The following OGDHL variants were observed in gnomAD, a reference collection of about 807,000 sequenced individuals.
The protein encoded by OGDHL is oxoglutarate dehydrogenase L, also known as 2-oxoglutarate dehydrogenase-like, mitochondrial.
In OGDHL, 79 loss-of-function variants were observed where a neutral mutation model predicts 109.6. The ratio of observed to expected loss-of-function variants is 0.72; its 90% CI spans 0.60 to 0.87. OGDHL has a LOEUF of 0.87. Among genes scored for constraint, OGDHL ranks in the 40% least tolerant of loss-of-function variants. The pLI is 0.00. For missense variants in OGDHL, 1,275 were observed against 1,362.2 expected (o/e 0.94, Z 1.01); for synonymous variants, 528 against 537.2 (o/e 0.98, Z 0.24).
Position 49,749,779 on chromosome 10 carries a change from C to T in OGDHL, c.934G>A (p.Asp312Asn). 1 of 1,601,252 alleles carries T rather than the reference C, an allele frequency of 6.2e-7. No individual in the cohort carries two copies. The highest frequency in any genetic ancestry group is 8.5e-7 in the Non-Finnish European group (1 of 1,177,138). ...AACTGGCAGAAGATCTGCTCCAGGT[C>T]CTTGCGGATCACGTTGGCCAGCACG... ...LNVLANVIRK[D>N]LEQIFCQFDP... Residue 312 changes from aspartate to asparagine, a missense_variant, in exon 8 of 23, where the codon GAC becomes AAC. Physicochemically the swap from Asp to Asn is conservative, Grantham distance 23. Coordinates refer to ENST00000374103, the MANE Select transcript of OGDHL (RefSeq NM_018245.3).
rs1841029233 is a variant in OGDHL, at chr10:49,734,923, C to A, written c.*305G>T. 1.8e-5 allele frequency: 4 copies of A among 218,572 alleles called. No homozygotes were observed. The highest frequency in any genetic ancestry group is 2.6e-4 in the South Asian group (2 of 7,756). 13.5% of individuals were successfully genotyped at this position (218,572 alleles called of 1,614,324 possible). ...GATGGGAGCGGCCACAGACACAGGC[C>A]CCCGGGTGTCTGTCTTGAGATACAG... On this transcript the variant is annotated 3_prime_UTR_variant, in exon 23 of 23. Coordinates refer to ENST00000374103, the MANE Select transcript of OGDHL (RefSeq NM_018245.3).
At chr10:49,754,405 G>A (rs1842792528) in intron 3 of OGDHL, among the ~76,000 whole-genome samples, 1 of 152,122 alleles carries the variant, frequency 6.6e-6, no homozygotes, top group Non-Finnish European at 1.5e-5. Context: ...GTGTGCTAGG[G>A]AATCACCTCA....
intron 2 of OGDHL, among the ~76,000 whole-genome samples, chr10:49,757,895 T>C (rs560766858): frequency 8.7e-4 from 133 of 152,322 alleles, no homozygotes; most frequent in African/African-American, 3.0e-3. Flanking sequence ...CAGATGAGGA[T>C]AGATTAGGAG....
At position 49,742,821 on chromosome 10, in the gene OGDHL, C is replaced by T. The variant is rs370919418; in HGVS notation, c.2012+7G>A. ...CCTGTGCGGATGCTGAGCCCCACTG[C>T]GCTCACCTGAATGTGCCCCTCTCCA... On this transcript the variant is annotated splice_region_variant and intron_variant, in intron 15 of 22. Transcript: ENST00000374103. 1.1e-5 allele frequency: 18 copies of T among 1,610,616 alleles called. No homozygotes were observed. The highest frequency in any genetic ancestry group is 5.5e-5 in the South Asian group (5 of 90,640).
At position 49,736,133 on chromosome 10, in the gene OGDHL, C is replaced by A. The variant is rs1423845945; in HGVS notation, c.2799G>T (p.Lys933Asn). The A allele has an allele frequency of 6.2e-7, 1 of 1,610,188 alleles. No homozygotes were observed. Among genetic ancestry groups the A allele is most frequent in the Non-Finnish European group, 8.5e-7 (1 of 1,178,104 alleles). Reference protein sequence around the residue: ...PFDLIKQEAEKYPGAELAWCQ... With the variant: ...PFDLIKQEAENYPGAELAWCQ... ...ACCAGGCCAGCTCCGCACCTGGGTACTTCTCTGCCTCCTGCTTGATCAGGT... is the reference window on the plus strand; with the variant it reads ...ACCAGGCCAGCTCCGCACCTGGGTAATTCTCTGCCTCCTGCTTGATCAGGT... Residue 933 changes from lysine (K) to asparagine (N), a missense_variant, in exon 22 of 23, where the codon AAG (lysine) becomes AAT (asparagine). Lys to Asn is a moderately conservative substitution (Grantham distance 94, BLOSUM62 0). Coordinates refer to ENST00000374103, the MANE Select transcript of OGDHL (RefSeq NM_018245.3).
At chr10:49,752,867 C>T in intron 3 of OGDHL, 127 bp from the exon 4 acceptor site, 1 of 662,464 alleles carries the variant, frequency 1.5e-6, no homozygotes, top group African/African-American at 1.8e-5. Context: ...TGTCTCTGCC[C>T]CGCGGCTACT....
At position 49,758,409 on chromosome 10, in the gene OGDHL, T is replaced by C. The variant is rs758536428; in HGVS notation, c.184A>G (p.Asn62Asp). 5.0e-6 allele frequency: 8 copies of C among 1,612,714 alleles called. No individual in the cohort carries two copies. In the African/African-American group the frequency reaches 9.4e-5, roughly 19 times the overall value. Residue 62 changes from asparagine to aspartate, a missense_variant, in exon 2 of 23, where the codon AAC (asparagine) becomes GAC (aspartate). Asn to Asp is a conservative substitution (Grantham distance 23). Transcript: ENST00000374103. ...CTGACCTTGTGGACACTCTGGGGGT[T>C]TTCCAACCAGGCGAAGTACATCTCC... ...MEEMYFAWLE[N>D]PQSVHKSWDS...
In OGDHL at chr10:49,751,819, G is replaced by C; in HGVS notation, c.749+8C>G. 3 of 1,612,898 alleles carry C rather than the reference G, an allele frequency of 1.9e-6. No individual in the cohort carries two copies. Among genetic ancestry groups the C allele is most frequent in the Non-Finnish European group, 2.5e-6 (3 of 1,179,666 alleles). ...CTCCAGCCACTTGGCCCTCCAGGTGGTGCCAACCTCATGGAGCGCACTAGC... is the reference window on the plus strand; with the variant it reads ...CTCCAGCCACTTGGCCCTCCAGGTGCTGCCAACCTCATGGAGCGCACTAGC... On this transcript the variant is annotated splice_region_variant and intron_variant, in intron 6 of 22. Transcript: ENST00000374103.
At chr10:49,755,969 G>C (rs1009929141) in intron 3 of OGDHL, among the ~76,000 whole-genome samples, 1 of 152,228 alleles carries the variant, frequency 6.6e-6, no homozygotes, top group African/African-American at 2.4e-5. Flanking sequence ...CCTCAGGCCA[G>C]AAGGGAACCC....
chr10:49,754,655 C>A (rs1842810197), intron 3 of OGDHL, among the ~76,000 whole-genome samples: 1 of 147,438 alleles, frequency 6.8e-6, no homozygotes, highest in East Asian at 2.1e-4. Context: ...CCATCACCAT[C>A]ACCACCAGGA....
At chr10:49,741,601 CA>C (rs1286461889) in intron 15 of OGDHL, among the ~76,000 whole-genome samples, 1 of 151,290 alleles carries the variant, frequency 6.6e-6, no homozygotes, top group Non-Finnish European at 1.5e-5. Context: ...AAGACAACTG[CA>C]AACAAGCAAG....
At chr10:49,745,631 A>T (rs1842124842) in intron 11 of OGDHL, 135 bp from the exon 12 acceptor site, 1 of 1,321,364 alleles carries the variant, frequency 7.6e-7, no homozygotes, top group Non-Finnish European at 1.0e-6. Flanking sequence ...CTATCACCGA[A>T]TGAATGTCCC....
chr10:49,745,602 C>T (rs1842122492), intron 11 of OGDHL, 106 bp from the exon 12 acceptor site: 5 of 1,440,008 alleles, frequency 3.5e-6, no homozygotes, highest in Middle Eastern at 3.8e-4. Flanking sequence ...ACTGGGAGCC[C>T]TTTGAGCTCC....
Position 49,758,464 on chromosome 10 carries a change from G to C in OGDHL, c.129C>G (p.Ser43Arg), listed in dbSNP as rs145183489. The change falls in exon 2 of 23, where the codon AGC becomes AGG. Residue 43 changes from serine (S) to arginine (R), a missense_variant. Transcript: ENST00000374103. ...SSGPPATFPS[S>R]KGGGGSSYME... ...TGTAACTGGAGCCGCCTCCACCTTT[G>C]CTGCTTGGGAAGGTGGCCGGTGGCC... 5.6e-6 allele frequency: 9 copies of C among 1,613,838 alleles called. No individual in the cohort carries two copies. The Admixed American group carries it at 1.5e-4, about 27-fold the overall frequency.
chr10:49,735,367 C>T lies in OGDHL; in HGVS notation c.2910-16G>A. 1 of 1,610,700 alleles carries T rather than the reference C, an allele frequency of 6.2e-7. No homozygotes were observed. ...GCCAACATACCTGGAGGAGGAGAGA[C>T]AAGCTAAGGGGAAGGCGGGGCCTAG... On this transcript the variant is annotated splice_polypyrimidine_tract_variant and intron_variant, in intron 22 of 22. Transcript: ENST00000374103.
At chr10:49,743,213 T>A (rs1258168) in intron 14 of OGDHL, among the ~76,000 whole-genome samples, 1 of 152,144 alleles carries the variant, frequency 6.6e-6, no homozygotes, top group Admixed American at 6.5e-5. Flanking sequence ...ATTGGCCACG[T>A]TGCAGACACC....
chr10:49,751,188 T>C (rs1842565218), intron 6 of OGDHL, among the ~76,000 whole-genome samples: 1 of 152,036 alleles, frequency 6.6e-6, no homozygotes, highest in African/African-American at 2.4e-5. Context: ...TAGGGGAGGC[T>C]AGGCATCTTC....
At chr10:49,747,355 T>G in intron 8 of OGDHL, 147 bp from the exon 9 acceptor site, 1 of 812,038 alleles carries the variant, frequency 1.2e-6, no homozygotes, top group Non-Finnish European at 2.0e-6. Context: ...GACCCCTCTC[T>G]CCTCATCACA....
chr10:49,742,917 C>T lies in OGDHL; in HGVS notation c.1923G>A (p.Ala641=), dbSNP rs149861747. ...DMTKNRTVDW[A]LAEYMAFGSL... is the part of the protein sequence containing the mutation. ...AGCCAAAGGCCATGTACTCTGCCAACGCCCAGTCCACCGTCCGGTTCTTGG... is the reference window on the plus strand; with the variant it reads ...AGCCAAAGGCCATGTACTCTGCCAATGCCCAGTCCACCGTCCGGTTCTTGG... Residue 641 remains alanine (A), a synonymous_variant, in exon 15 of 23, where the codon GCG becomes GCA. Coordinates refer to ENST00000374103, the MANE Select transcript of OGDHL (RefSeq NM_018245.3). 53 of 1,613,948 alleles carry T rather than the reference C, an allele frequency of 3.3e-5. No homozygotes were observed. The highest frequency in any genetic ancestry group is 3.3e-4 in the Middle Eastern group (2 of 6,074).
Sources: gnomAD v4.1 joint callset for allele counts (sites outside exome capture counted in the v4.1 genomes callset) on GRCh38, gnomAD v4.1.1 for gene constraint, MANE v1.5 for transcripts, NCBI Gene and HGNC (gene_info 2026-07-23, HGNC 2026-07-21) for gene names.